The following ATL3 variants were observed in gnomAD, a reference collection of about 807,000 sequenced individuals.
ATL3 encodes the protein atlastin GTPase 3, also known as atlastin-3.
A neutral mutation model predicts 69.5 loss-of-function variants in ATL3; 49 were observed. The ratio of observed to expected loss-of-function variants is 0.71; its 90% confidence interval spans 0.56 to 0.89. The LOEUF (loss-of-function observed/expected upper bound fraction) is 0.89, where lower values mean the gene tolerates loss of function less well. ATL3 is among the 40% of genes least tolerant of loss of function. ATL3 has a pLI of 0.00. For missense variants in ATL3, 606 were observed against 645.7 expected (o/e 0.94, Z 0.67); for synonymous variants, 214 against 224.1 (o/e 0.95, Z 0.40).
At chr11:63,642,639 T>A (rs1343998689) in intron 8 of ATL3, among the ~76,000 whole-genome samples, 1 of 152,158 alleles carries the variant, frequency 6.6e-6, no homozygotes, top group Non-Finnish European at 1.5e-5. Context: ...ACTTTCCTCC[T>A]TTTCCTTAAC....
chr11:63,640,594 C>CT (rs1172516886), intron 8 of ATL3, among the ~76,000 whole-genome samples: 1,089 of 84,326 alleles, frequency 0.013, 136 homozygotes, highest in Admixed American at 0.027. Context: ...ACCATAGTAT[C>CT]TTTTTTTTTT....
chr11:63,628,897 A>G lies in ATL3; in HGVS notation c.*422T>C, dbSNP rs889611957. 1 of 158,918 alleles carries G rather than the reference A, an allele frequency of 6.3e-6. No individual in the cohort carries two copies. Among genetic ancestry groups the G allele is most frequent in the African/African-American group, 2.4e-5 (1 of 41,554 alleles). The allele number at this position is 158,918 out of a possible 1,614,324, so 9.8% of individuals were successfully genotyped here. ...AGAGTAAAGTATAAAAGAAATGTCA[A>G]GTTTCACCCGAAAACGGCACCTTTC... is the stretch of plus-strand genomic sequence containing the variant. On this transcript the variant is annotated 3_prime_UTR_variant, in exon 13 of 13. Transcript: ENST00000398868.
At chr11:63,659,287 A>G (rs1940354022) in intron 1 of ATL3, 35 bp from the exon 2 acceptor site, 4 of 1,579,434 alleles carry the variant, frequency 2.5e-6, no homozygotes, top group Non-Finnish European at 3.5e-6. Context: ...TCAGTGTCAA[A>G]TATTTAAAAT....
chr11:63,657,489 C>G (rs1940291504), intron 3 of ATL3, among the ~76,000 whole-genome samples: 1 of 152,128 alleles, frequency 6.6e-6, no homozygotes. Context: ...AGAACAACAG[C>G]CAGGTCTGTG....
upstream of ATL3, chr11:63,671,843 T>C: frequency 2.6e-6 from 2 of 769,662 alleles, no homozygotes; most frequent in Non-Finnish European, 3.4e-6. Context: ...GCGCCTAACG[T>C]GCAGACCAGG....
chr11:63,637,794 A>G (rs960335698), intron 8 of ATL3: 1 of 152,228 alleles, frequency 6.6e-6, no homozygotes, highest in African/African-American at 2.4e-5. Flanking sequence ...CTATAATATG[A>G]AAAATGAAAC....
chr11:63,631,238 C>T lies in ATL3; in HGVS notation c.1341G>A (p.Leu447=), dbSNP rs1590716143. 3 of 1,614,216 alleles carry T rather than the reference C, an allele frequency of 1.9e-6. No homozygotes were observed. In the East Asian group the frequency reaches 6.7e-5, roughly 36 times the overall value. ...TGTACAAAGCTACAATGCCCGTGAA[C>T]AGCACTGCAGGGGTTCGGAAGGTGC... ...VFSTFRTPAV[L]FTGIVALYIA... Residue 447 remains leucine, a synonymous_variant, in exon 12 of 13, where the codon CTG becomes CTA. Transcript: ENST00000398868.
chr11:63,632,426 T>G, intron 11 of ATL3: 1 of 838,506 alleles, frequency 1.2e-6, no homozygotes, highest in Non-Finnish European at 2.1e-6. Context: ...GGTGACATTG[T>G]GATTGCAAAA....
Position 63,628,099 on chromosome 11 carries a change from C to T in ATL3, c.*1220G>A, listed in dbSNP as rs1362046263. 6.6e-6 allele frequency: 1 copy of T among 152,070 alleles called. No individual in the cohort carries two copies. Among genetic ancestry groups the T allele is most frequent in the African/African-American group, 2.4e-5 (1 of 41,398 alleles). The allele number at this position is 152,070 out of a possible 1,614,324, so 9.4% of individuals were successfully genotyped here. A position where few individuals can be genotyped will look rare whatever the true frequency, so the allele number is the denominator to read the frequency against. On this transcript the variant is annotated 3_prime_UTR_variant, in exon 13 of 13. Coordinates refer to ENST00000398868, the MANE Select transcript of ATL3 (RefSeq NM_015459.5). Reference sequence around the variant, plus strand: ...TATGCAGAACTCTCAAAAACAAAACCCCTCAAATGACAATTACAAGAGTTG... The same window carrying T: ...TATGCAGAACTCTCAAAAACAAAACTCCTCAAATGACAATTACAAGAGTTG...
At chr11:63,656,433 G>T (rs988153661) in intron 3 of ATL3, among the ~76,000 whole-genome samples, 1 of 151,850 alleles carries the variant, frequency 6.6e-6, no homozygotes, top group Non-Finnish European at 1.5e-5. Context: ...TGTATTTCTT[G>T]TCAGAAACAA....
intron 5 of ATL3, among the ~76,000 whole-genome samples, chr11:63,651,723 A>G (rs1395338513): frequency 1.3e-5 from 2 of 152,002 alleles, no homozygotes; most frequent in African/African-American, 4.8e-5. Flanking sequence ...TCACTTGCCC[A>G]CTTTCTTTCA....
intron 1 of ATL3, chr11:63,670,278 T>C (rs1277597462): frequency 6.6e-6 from 1 of 152,214 alleles, no homozygotes; most frequent in South Asian, 2.1e-4. Flanking sequence ...GTTGCAATGC[T>C]AAATTCTTGA....
intron 3 of ATL3, 43 bp downstream of exon 3, chr11:63,658,718 T>C (rs750395059): frequency 1.3e-6 from 2 of 1,538,916 alleles, no homozygotes; most frequent in South Asian, 2.5e-5. Flanking sequence ...GTTCATATTT[T>C]GTTGTTGTTG....
At chr11:63,634,435 A>T (rs1391706388) in intron 10 of ATL3, among the ~76,000 whole-genome samples, 1 of 151,786 alleles carries the variant, frequency 6.6e-6, no homozygotes, top group East Asian at 1.9e-4. Context: ...TGAACCCAGG[A>T]GGTGGAGCTT....
At chr11:63,663,089 T>C (rs1940469892) in intron 1 of ATL3, among the ~76,000 whole-genome samples, 1 of 151,702 alleles carries the variant, frequency 6.6e-6, no homozygotes. Context: ...TTTACATTTA[T>C]AGTATCAGAT....
intron 6 of ATL3, among the ~76,000 whole-genome samples, chr11:63,645,408 A>AT (rs1320913551): frequency 7.2e-5 from 11 of 152,124 alleles, no homozygotes; most frequent in Admixed American, 5.2e-4. Flanking sequence ...TCAAAAAAAA[A>AT]AAATAAATTA....
rs369559507 is a variant in ATL3 at position 63,625,455 on chromosome 11, TAAA to T, written c.*3861_*3863del. 2.0e-5 allele frequency: 3 copies of T among 152,310 alleles called. No individual in the cohort carries two copies. Among genetic ancestry groups the T allele is most frequent in the African/African-American group, 7.2e-5 (3 of 41,584 alleles). The allele number at this position is 152,310 out of a possible 1,614,324, so 9.4% of individuals were successfully genotyped here. A position where few individuals can be genotyped will look rare whatever the true frequency, so the allele number is the denominator to read the frequency against. On this transcript the variant is annotated 3_prime_UTR_variant, in exon 13 of 13. Coordinates refer to ENST00000398868, the MANE Select transcript of ATL3 (RefSeq NM_015459.5). ...ACTGTTTTATTAAAGTTTTAATTTT[TAAA>T]AAATTAAAAAATTAAAACTGTTTTA...
chr11:63,643,122 C>A (rs1194271217), intron 8 of ATL3, among the ~76,000 whole-genome samples: 1 of 152,174 alleles, frequency 6.6e-6, no homozygotes, highest in African/African-American at 2.4e-5. Context: ...CATAATGAGT[C>A]TCTTTAGAAA....
chr11:63,625,526 TA>T lies in ATL3; in HGVS notation c.*3792del, dbSNP rs1295856169. 5 of 152,220 alleles carry T rather than the reference TA, an allele frequency of 3.3e-5. No individual in the cohort carries two copies. Among genetic ancestry groups the T allele is most frequent in the Non-Finnish European group, 7.3e-5 (5 of 68,036 alleles). The allele number at this position is 152,220 out of a possible 1,614,324, so 9.4% of individuals were successfully genotyped here. On this transcript the variant is annotated 3_prime_UTR_variant, in exon 13 of 13. Coordinates refer to ENST00000398868, the MANE Select transcript of ATL3 (RefSeq NM_015459.5). ...TGATTCAATCTACTTAATTTTGCTATAACTCATACATACATACATACTTATC... is the reference window on the plus strand; with the variant it reads ...TGATTCAATCTACTTAATTTTGCTATACTCATACATACATACATACTTATC...
Sources: gnomAD v4.1 joint callset for allele counts (sites outside exome capture counted in the v4.1 genomes callset) on GRCh38, gnomAD v4.1.1 for gene constraint, MANE v1.5 for transcripts, NCBI Gene and HGNC (gene_info 2026-07-23, HGNC 2026-07-21) for gene names.